ELF2: variants seen among roughly 807,000 people sequenced by gnomAD.
ELF2 encodes E74 like ETS transcription factor 2.
Under a neutral mutation model 54.8 loss-of-function variants are expected in ELF2, and 11 were observed. The observed-to-expected ratio is 0.20, with a 90% CI of 0.13 to 0.33. The LOEUF (loss-of-function observed/expected upper bound fraction) is 0.33. Ranked by LOEUF, ELF2 falls within the 10% of genes least tolerant of loss-of-function variation. The pLI is 1.00. For missense variants in ELF2, 513 were observed against 703.0 expected (o/e 0.73, Z 3.06); for synonymous variants, 203 against 245.1 (o/e 0.83, Z 1.61).
At chr4:139,083,122 G>A (rs1282745252) in intron 4 of ELF2, among the ~76,000 whole-genome samples, 1 of 151,986 alleles carries the variant, frequency 6.6e-6, no homozygotes, top group African/African-American at 2.4e-5. Flanking sequence ...TGGAACCAGA[G>A]GCCTGTCAAT....
chr4:139,086,368 G>A (rs1335347911), intron 4 of ELF2, among the ~76,000 whole-genome samples: 2 of 152,180 alleles, frequency 1.3e-5, no homozygotes, highest in African/African-American at 4.8e-5. Context: ...GGAGCACCAA[G>A]TAAAGCTTGG....
At chr4:139,156,898 C>T (rs1270063439) in intron 1 of ELF2, among the ~76,000 whole-genome samples, 5 of 152,002 alleles carry the variant, frequency 3.3e-5, no homozygotes, top group Non-Finnish European at 5.9e-5. Context: ...CCTCCCAAAG[C>T]GCTGGGATTT....
At chr4:139,155,242 C>A (rs188380403) in intron 1 of ELF2, 2 of 152,202 alleles carry the variant, frequency 1.3e-5, no homozygotes, top group African/African-American at 2.4e-5. Context: ...TAGTTCACTA[C>A]GCCAATCATA....
At chr4:139,095,387 G>T (rs1015506409) in intron 4 of ELF2, among the ~76,000 whole-genome samples, 3 of 151,992 alleles carry the variant, frequency 2.0e-5, no homozygotes, top group Non-Finnish European at 4.4e-5. Flanking sequence ...GTTTCGCCAT[G>T]TTGGCCAGGC....
intron 4 of ELF2, among the ~76,000 whole-genome samples, chr4:139,119,527 G>A (rs369458644): frequency 2.0e-5 from 3 of 152,134 alleles, no homozygotes; most frequent in African/African-American, 7.2e-5. Context: ...CTCCCAAGGT[G>A]ACTCCCTGTT....
intron 4 of ELF2, among the ~76,000 whole-genome samples, chr4:139,102,998 C>A (rs1734067395): frequency 6.6e-6 from 1 of 152,146 alleles, no homozygotes; most frequent in Admixed American, 6.5e-5. Context: ...CCCACCTCAG[C>A]CTCCAAGTGG....
chr4:139,098,202 T>C (rs1384495744), intron 4 of ELF2, among the ~76,000 whole-genome samples: 1 of 152,232 alleles, frequency 6.6e-6, no homozygotes, highest in East Asian at 1.9e-4. Flanking sequence ...ATTTCATATA[T>C]GCTTTTTTAC....
chr4:139,084,280 C>A, intron 4 of ELF2: 1 of 1,602,634 alleles, frequency 6.2e-7, no homozygotes, highest in Non-Finnish European at 8.5e-7. Flanking sequence ...CGGCCGGAGA[C>A]ACACGCCGTG....
intron 2 of ELF2, 145 bp downstream of exon 2, chr4:139,139,268 T>C (rs1313526504): frequency 2.6e-6 from 1 of 388,854 alleles, no homozygotes. Context: ...AGCCTCCCTT[T>C]TGATCTTATA....
chr4:139,112,006 T>G (rs559753596), intron 4 of ELF2, among the ~76,000 whole-genome samples: 1 of 152,314 alleles, frequency 6.6e-6, no homozygotes, highest in South Asian at 2.1e-4. Flanking sequence ...TAAATTTGTA[T>G]TTTTCAAAAC....
intron 4 of ELF2, among the ~76,000 whole-genome samples, chr4:139,089,297 A>T (rs952134571): frequency 4.6e-5 from 7 of 152,304 alleles, no homozygotes; most frequent in Non-Finnish European, 1.0e-4. Context: ...CATCTCACAC[A>T]TTTTTAGGGG....
intron 4 of ELF2, among the ~76,000 whole-genome samples, chr4:139,088,650 A>G (rs906178365): frequency 6.6e-6 from 1 of 152,196 alleles, no homozygotes; most frequent in South Asian, 2.1e-4. Flanking sequence ...CTGTTTGCCT[A>G]AAGTATGATC....
chr4:139,102,049 A>G (rs1292734696), intron 4 of ELF2: 1 of 151,958 alleles, frequency 6.6e-6, no homozygotes, highest in Admixed American at 6.5e-5. Flanking sequence ...AGAAATTACC[A>G]CCTTTTAATT....
intron 7 of ELF2, among the ~76,000 whole-genome samples, chr4:139,064,964 C>T (rs996638545): frequency 6.6e-6 from 1 of 152,184 alleles, no homozygotes; most frequent in African/African-American, 2.4e-5. Context: ...GACCCTATTA[C>T]ACCAGCATCA....
At chr4:139,120,552 C>G (rs1002017988) in intron 4 of ELF2, among the ~76,000 whole-genome samples, 8 of 152,086 alleles carry the variant, frequency 5.3e-5, no homozygotes, top group African/African-American at 1.9e-4. Flanking sequence ...GATTCTCTGG[C>G]CTCAGACTCT....
intron 3 of ELF2, among the ~76,000 whole-genome samples, chr4:139,127,523 T>C (rs912603069): frequency 3.3e-5 from 5 of 152,016 alleles, no homozygotes; most frequent in Admixed American, 1.3e-4. Flanking sequence ...TAAAATATTG[T>C]TTAGGACTAT....
At chr4:139,084,391 T>C in intron 4 of ELF2, 1 of 1,443,948 alleles carries the variant, frequency 6.9e-7, no homozygotes, top group African/African-American at 1.4e-5. Flanking sequence ...GCCGCCGGGC[T>C]GAGAAACCCC....
chr4:139,125,680 C>T (rs974391439), intron 3 of ELF2, among the ~76,000 whole-genome samples: 2 of 146,380 alleles, frequency 1.4e-5, no homozygotes, highest in Non-Finnish European at 3.0e-5. Context: ...GAGCAACAAA[C>T]AAGAAGAGGT....
At chr4:139,176,580 C>A (rs1742950279) in intron 1 of ELF2, among the ~76,000 whole-genome samples, 1 of 152,136 alleles carries the variant, frequency 6.6e-6, no homozygotes, top group Non-Finnish European at 1.5e-5. Context: ...TCAGTTCAGT[C>A]CGCTTCTCGG....
Sources: gnomAD v4.1 joint callset for allele counts (sites outside exome capture counted in the v4.1 genomes callset) on GRCh38, gnomAD v4.1.1 for gene constraint, MANE v1.5 for transcripts, NCBI Gene and HGNC (gene_info 2026-07-23, HGNC 2026-07-21) for gene names.